Variants in MTMR7 observed in about 807,000 individuals in gnomAD.
MTMR7 encodes myotubularin related protein 7, also known as phosphatidylinositol-3-phosphate phosphatase MTMR7.
Under a neutral mutation model 81.2 loss-of-function variants are expected in MTMR7, and 76 were observed. That is an observed-to-expected ratio of 0.94 (90% CI 0.78 to 1.13). The LOEUF (loss-of-function observed/expected upper bound fraction) is 1.13, where lower values mean the gene tolerates loss of function less well. MTMR7 is among the 50% of genes most tolerant of loss of function. The probability of loss-of-function intolerance (pLI) is 0.00; values close to 1 mark genes in which losing one functional copy is unlikely to be tolerated. For synonymous variants in MTMR7, 372 were observed against 289.8 expected, an observed-to-expected ratio of 1.28 and a Z score of -2.88; for missense variants, 1,044 against 820.0, an observed-to-expected ratio of 1.27 and a Z score of -3.34.
At chr8:17,384,757 T>C (rs937334314) in intron 1 of MTMR7, among the ~76,000 whole-genome samples, 4 of 152,238 alleles carry the variant, frequency 2.6e-5, no homozygotes, top group African/African-American at 9.6e-5. Context: ...CCATGAAGCT[T>C]CAGGAGTTTT....
At chr8:17,356,969 C>A (rs1224340982) in intron 4 of MTMR7, among the ~76,000 whole-genome samples, 1 of 152,150 alleles carries the variant, frequency 6.6e-6, no homozygotes, top group Non-Finnish European at 1.5e-5. Context: ...CTCTCTAGCT[C>A]ATAAACTCTA....
intron 1 of MTMR7, among the ~76,000 whole-genome samples, chr8:17,388,565 T>C (rs187433645): frequency 2.6e-4 from 40 of 152,362 alleles, no homozygotes; most frequent in African/African-American, 9.1e-4. Context: ...ACGATATTTC[T>C]AAAATTCTAA....
At chr8:17,323,292 A>G (rs1053126730) in intron 7 of MTMR7, among the ~76,000 whole-genome samples, 4 of 152,108 alleles carry the variant, frequency 2.6e-5, no homozygotes, top group Non-Finnish European at 2.9e-5. Flanking sequence ...CTCAGATGCT[A>G]GCAACACAGC....
At chr8:17,330,306 G>A (rs1053542561) in intron 7 of MTMR7, among the ~76,000 whole-genome samples, 1 of 152,176 alleles carries the variant, frequency 6.6e-6, no homozygotes, top group African/African-American at 2.4e-5. Flanking sequence ...CACTTCCCGG[G>A]CTCCCAGCTC....
At chr8:17,333,958 T>C (rs373166310) in intron 6 of MTMR7, among the ~76,000 whole-genome samples, 1 of 152,174 alleles carries the variant, frequency 6.6e-6, no homozygotes, top group Admixed American at 6.5e-5. Context: ...GAATGTAGAA[T>C]AGATTTTTTA....
chr8:17,302,280 C>G lies in MTMR7; in HGVS notation c.1494G>C (p.Lys498Asn). Residue 498 changes from lysine (K) to asparagine (N), a missense_variant and splice_region_variant, in exon 13 of 14, where the codon AAG becomes AAC. Lys to Asn is a moderately conservative substitution (Grantham distance 94). Transcript: ENST00000180173. Reference protein sequence around the residue: ...LPTTPCNFMYKFWSGMYNRFE... With the variant: ...LPTTPCNFMYNFWSGMYNRFE... ...AGCGGTTATACATTCCACTCCAAAA[C>G]CTGGAAAGGATGGCAAAGCGTCGTG... 6.2e-6 allele frequency: 10 copies of G among 1,612,706 alleles called. No homozygotes were observed. Among genetic ancestry groups the G allele is most frequent in the Non-Finnish European group, 8.5e-6 (10 of 1,179,468 alleles).
At chr8:17,358,278 A>G (rs898846198) in intron 4 of MTMR7, among the ~76,000 whole-genome samples, 3 of 152,198 alleles carry the variant, frequency 2.0e-5, no homozygotes, top group Admixed American at 6.5e-5. Flanking sequence ...ATATAATCAT[A>G]TAAAATAGAA....
At chr8:17,331,026 C>T in intron 7 of MTMR7, 124 bp downstream of exon 7, 1 of 1,163,952 alleles carries the variant, frequency 8.6e-7, no homozygotes, top group East Asian at 2.5e-5. Flanking sequence ...GCCACTGTAA[C>T]ATGATATTCT....
At chr8:17,341,326 C>G (rs756672184) in intron 6 of MTMR7, 37 bp downstream of exon 6, 1 of 1,610,054 alleles carries the variant, frequency 6.2e-7, no homozygotes, top group South Asian at 1.1e-5. Context: ...TTTCACAACT[C>G]AGGTGCAAAG....
rs533111845 is a variant in MTMR7, at chr8:17,394,270, C to A, written c.24+18999G>T. Among the ~76,000 whole-genome samples the A allele has an allele frequency of 7.8e-4, 119 of 152,192 alleles. 1 individual carries two copies. The highest frequency in any genetic ancestry group is 2.7e-3 in the African/African-American group (113 of 41,516). On this transcript the variant is annotated intron_variant, in intron 1 of 13. Coordinates refer to ENST00000180173, the MANE Select transcript of MTMR7 (RefSeq NM_004686.5). Reference sequence around the variant, plus strand: ...TAAATGTTCATAGCAGCACTATTCCCAATAAAAAGTAGAAACAACTCAAAT... The same window carrying A: ...TAAATGTTCATAGCAGCACTATTCCAAATAAAAAGTAGAAACAACTCAAAT...
intron 7 of MTMR7, among the ~76,000 whole-genome samples, chr8:17,326,107 G>A (rs941060013): frequency 6.6e-6 from 1 of 152,118 alleles, no homozygotes; most frequent in African/African-American, 2.4e-5. Flanking sequence ...CCCAAACCTA[G>A]GACTTCACAC....
At chr8:17,357,973 G>A (rs1300366492) in intron 4 of MTMR7, among the ~76,000 whole-genome samples, 1 of 152,072 alleles carries the variant, frequency 6.6e-6, no homozygotes, top group Non-Finnish European at 1.5e-5. Flanking sequence ...GATACTCAGT[G>A]GAGGAAAAGC....
intron 1 of MTMR7, among the ~76,000 whole-genome samples, chr8:17,412,962 G>A (rs77920706): frequency 0.025 from 3,650 of 145,380 alleles, 118 homozygotes; most frequent in African/African-American, 0.076. Flanking sequence ...AGAAAGAAGG[G>A]TTGATCTACA....
At chr8:17,303,271 C>G (rs1396614669) in intron 12 of MTMR7, among the ~76,000 whole-genome samples, 1 of 152,078 alleles carries the variant, frequency 6.6e-6, no homozygotes, top group East Asian at 1.9e-4. Flanking sequence ...TAAAACTTGT[C>G]TTACATGCAC....
Position 17,331,302 on chromosome 8 carries a change from AG to A in MTMR7, c.733-21del. On this transcript the variant is annotated intron_variant, in intron 6 of 13. Transcript: ENST00000180173. ...ATTAAGCTGCAGTGGTCAGCAAAAC[AG>A]AACAGTCATCAATTACATTGATGAA... is the stretch of plus-strand genomic sequence containing the variant. 1 of 1,567,842 alleles carries A rather than the reference AG, an allele frequency of 6.4e-7. No individual in the cohort carries two copies. The highest frequency in any genetic ancestry group is 8.6e-7 in the Non-Finnish European group (1 of 1,161,036).
chr8:17,317,911 CT>C (rs1160298898), intron 7 of MTMR7, among the ~76,000 whole-genome samples: 2 of 152,036 alleles, frequency 1.3e-5, no homozygotes, highest in East Asian at 1.9e-4. Context: ...GTATTTTTGC[CT>C]TTTTTTCCAC....
At chr8:17,399,872 C>CAA (rs67618086) in intron 1 of MTMR7, among the ~76,000 whole-genome samples, 97 of 141,550 alleles carry the variant, frequency 6.9e-4, no homozygotes, top group African/African-American at 2.2e-3. Flanking sequence ...GACTCTGTCT[C>CAA]AAAAAAAAAA....
chr8:17,304,746 C>CATGTGTGTGTGTGTGTGTGT (rs1554504621), intron 11 of MTMR7, among the ~76,000 whole-genome samples: 8 of 146,992 alleles, frequency 5.4e-5, no homozygotes, highest in Non-Finnish European at 3.0e-5. Flanking sequence ...GTGTTCGATT[C>CATGTGTGTGTGTGTGTGTGT]GTGTGTGTGT....
rs1263024177 is a variant in MTMR7 at position 17,299,661 on chromosome 8, A to C, written c.*201T>G. ...TTCAAAATGGTGAATAATTTTCCTT[A>C]TATTTGATAAATGAAATGACTACGT... On this transcript the variant is annotated 3_prime_UTR_variant, in exon 14 of 14. Coordinates refer to ENST00000180173, the MANE Select transcript of MTMR7 (RefSeq NM_004686.5). The C allele has an allele frequency of 6.1e-6, 4 of 655,780 alleles. No individual in the cohort carries two copies. The highest frequency in any genetic ancestry group is 5.5e-5 in the African/African-American group (3 of 54,824). The allele number at this position is 655,780 out of a possible 1,614,324, so 40.6% of individuals were successfully genotyped here.
Sources: allele counts gnomAD v4.1 joint callset (sites outside exome capture counted in the v4.1 genomes callset), GRCh38; gene constraint gnomAD v4.1.1; transcripts MANE v1.5; gene names NCBI Gene and HGNC (gene_info 2026-07-23, HGNC 2026-07-21).